Variants in HMBOX1 observed in about 807,000 individuals in gnomAD.
HMBOX1 encodes homeobox-containing protein 1.
Under a neutral mutation model 54.5 loss-of-function variants are expected in HMBOX1, and 14 were observed. That is an observed-to-expected ratio of 0.26 (90% confidence interval 0.17 to 0.40). The LOEUF is 0.40. Among genes scored for constraint, HMBOX1 ranks in the 10% least tolerant of loss-of-function variants. The pLI is 1.00. For missense variants in HMBOX1, 332 were observed against 514.4 expected, an observed-to-expected ratio of 0.65 and a Z score of 3.43; for synonymous variants, 160 against 181.0, an observed-to-expected ratio of 0.88 and a Z score of 0.93.
chr8:28,946,050 T>C (rs1381607625), intron 1 of HMBOX1, among the ~76,000 whole-genome samples: 2 of 151,474 alleles, frequency 1.3e-5, no homozygotes, highest in Non-Finnish European at 2.9e-5. Flanking sequence ...CCTCCCAGGT[T>C]CAAGTGATTC....
chr8:28,992,806 G>T (rs1586334121), intron 4 of HMBOX1, among the ~76,000 whole-genome samples: 1 of 132,322 alleles, frequency 7.6e-6, no homozygotes, highest in Admixed American at 9.1e-5. Flanking sequence ...GGAGGTGGAG[G>T]TTGCAGCGAG....
chr8:28,914,693 A>G (rs1816180064), intron 1 of HMBOX1, among the ~76,000 whole-genome samples: 1 of 152,234 alleles, frequency 6.6e-6, no homozygotes, highest in Non-Finnish European at 1.5e-5. Context: ...ATTTGAATTA[A>G]TAAAATAAAT....
rs1262485096 is a variant in HMBOX1 at position 28,970,219 on chromosome 8, A to G, written c.200A>G (p.Tyr67Cys). ...HSDKFGRRSS[Y>C]GGSSYGNSTN... is the part of the protein sequence containing the mutation. Reference sequence around the variant, plus strand: ...GACAAGTTTGGAAGAAGGTCCAGCTATGGAGGAAGTTCATATGGGAATAGT... The same window carrying G: ...GACAAGTTTGGAAGAAGGTCCAGCTGTGGAGGAAGTTCATATGGGAATAGT... The change falls in exon 3 of 10, where the codon TAT (tyrosine) becomes TGT (cysteine). Residue 67 changes from tyrosine (Y) to cysteine (C), a missense_variant. Around this residue, in one of 4 missense-constraint regions of HMBOX1, gnomAD observed 146 missense variants for 173.3 expected, o/e 0.84. Transcript: ENST00000287701. The surrounding 1 kb of genome is among the most constrained non-coding windows in gnomAD (Gnocchi z 4.3). The G allele has an allele frequency of 3.1e-6, 5 of 1,614,258 alleles. No individual in the cohort carries two copies. The highest frequency in any genetic ancestry group is 2.2e-5 in the South Asian group (2 of 91,088).
At chr8:28,955,496 T>C (rs1824258019) in intron 1 of HMBOX1, among the ~76,000 whole-genome samples, 1 of 152,248 alleles carries the variant, frequency 6.6e-6, no homozygotes, top group South Asian at 2.1e-4. Flanking sequence ...TTATGCTTTC[T>C]TAAAATAGCA....
At chr8:28,944,622 C>A (rs1822082532) in intron 1 of HMBOX1, among the ~76,000 whole-genome samples, 1 of 152,090 alleles carries the variant, frequency 6.6e-6, no homozygotes, top group South Asian at 2.1e-4. Flanking sequence ...AGTACTACAT[C>A]CTTATTTTAT....
intron 1 of HMBOX1, among the ~76,000 whole-genome samples, chr8:28,899,791 A>C (rs1056397336): frequency 3.3e-5 from 5 of 152,172 alleles, no homozygotes; most frequent in Admixed American, 1.3e-4. Context: ...AAATAAGTAC[A>C]AGTCAAGGAT....
At chr8:28,940,250 G>A (rs1008372975) in intron 1 of HMBOX1, among the ~76,000 whole-genome samples, 4 of 152,056 alleles carry the variant, frequency 2.6e-5, no homozygotes, top group Non-Finnish European at 4.4e-5. Flanking sequence ...CAGGTGATCC[G>A]CCTGCCTCAG....
At chr8:29,009,247 G>A (rs1461798782) in intron 5 of HMBOX1, 65 bp downstream of exon 5, 2 of 1,310,516 alleles carry the variant, frequency 1.5e-6, no homozygotes, top group East Asian at 2.3e-5. Flanking sequence ...TTACTTTAAT[G>A]ACTCCATGTG....
intron 1 of HMBOX1, among the ~76,000 whole-genome samples, chr8:28,951,444 A>C (rs1823402446): frequency 6.6e-6 from 1 of 152,194 alleles, no homozygotes; most frequent in Admixed American, 6.5e-5. Flanking sequence ...ATAATATTTT[A>C]GGAGCAGATA....
chr8:28,962,522 A>G lies in HMBOX1; in HGVS notation c.-57-1289A>G, dbSNP rs150174955. On this transcript the variant is annotated intron_variant, in intron 1 of 9. Coordinates refer to ENST00000287701, the MANE Select transcript of HMBOX1 (RefSeq NM_001135726.3). Reference sequence around the variant, plus strand: ...TTCTCATGATTACAGAATAAAGGTCAGGATCCCCTTCTAGATCATCTACTC... The same window carrying G: ...TTCTCATGATTACAGAATAAAGGTCGGGATCCCCTTCTAGATCATCTACTC... Among the ~76,000 whole-genome samples, 81 of 152,312 alleles carry G rather than the reference A, an allele frequency of 5.3e-4. No individual in the cohort carries two copies. In the East Asian group the frequency reaches 0.015, roughly 28 times the overall value.
intron 6 of HMBOX1, among the ~76,000 whole-genome samples, chr8:29,023,751 G>C (rs1431031307): frequency 6.6e-6 from 1 of 152,022 alleles, no homozygotes; most frequent in Non-Finnish European, 1.5e-5. Context: ...TTACCTTCTT[G>C]ATTCACTTAT....
intron 6 of HMBOX1, among the ~76,000 whole-genome samples, chr8:29,032,357 T>G (rs1803121461): frequency 6.6e-6 from 1 of 152,140 alleles, no homozygotes; most frequent in Admixed American, 6.5e-5. Context: ...TGAAAAATCT[T>G]TCTAGCCTTC....
At chr8:28,972,321 T>C (rs1457626682) in intron 3 of HMBOX1, among the ~76,000 whole-genome samples, 1 of 152,186 alleles carries the variant, frequency 6.6e-6, no homozygotes, top group Non-Finnish European at 1.5e-5. Context: ...GAAGTGATTC[T>C]CCTGCTTTAG....
chr8:28,963,786 T>C, intron 1 of HMBOX1, 25 bp from the exon 2 acceptor site: 1 of 1,155,136 alleles, frequency 8.7e-7, no homozygotes, highest in Non-Finnish European at 1.2e-6. Context: ...TAAATGTTTC[T>C]CAATTTTCTA....
chr8:29,019,004 T>A, intron 6 of HMBOX1, 91 bp downstream of exon 6: 1 of 1,136,396 alleles, frequency 8.8e-7, no homozygotes, highest in Non-Finnish European at 1.3e-6. Flanking sequence ...TTCAAACAAG[T>A]AACTTGGTAT....
intron 1 of HMBOX1, among the ~76,000 whole-genome samples, chr8:28,959,520 A>G (rs543861407): frequency 1.3e-5 from 2 of 152,320 alleles, no homozygotes; most frequent in South Asian, 4.1e-4. Flanking sequence ...CCAAAGTAAA[A>G]CAGCAGATAA....
chr8:28,999,781 T>C (rs1472224412), intron 4 of HMBOX1, among the ~76,000 whole-genome samples: 1 of 152,158 alleles, frequency 6.6e-6, no homozygotes, highest in Non-Finnish European at 1.5e-5. Context: ...GGTAAGGCAT[T>C]TTTCTCATAC....
intron 4 of HMBOX1, among the ~76,000 whole-genome samples, chr8:28,997,289 T>C (rs1586367316): frequency 3.3e-5 from 5 of 152,122 alleles, no homozygotes; most frequent in Admixed American, 3.3e-4. Context: ...CTATTCTTAG[T>C]TTTTTGAGTA....
At chr8:28,936,380 C>G (rs910733467) in intron 1 of HMBOX1, among the ~76,000 whole-genome samples, 2 of 151,788 alleles carry the variant, frequency 1.3e-5, no homozygotes, top group African/African-American at 4.8e-5. Flanking sequence ...ATAATAATAT[C>G]ATTTATGAAG....
Sources: allele counts gnomAD v4.1 joint callset (sites outside exome capture counted in the v4.1 genomes callset), GRCh38; gene constraint gnomAD v4.1.1; regional missense constraint gnomAD v4.1.1; non-coding constraint Gnocchi (gnomAD v3.1); transcripts MANE v1.5; gene names NCBI Gene and HGNC (gene_info 2026-07-23, HGNC 2026-07-21).